Variants in CPNE4 observed in about 807,000 individuals in gnomAD.
CPNE4 encodes copine 4, also known as copine-4.
In CPNE4, 25 loss-of-function variants were observed where a neutral mutation model predicts 67.9. The observed-to-expected ratio is 0.37, with a 90% CI of 0.27 to 0.51. The LOEUF (loss-of-function observed/expected upper bound fraction) is 0.51. Ranked by LOEUF, CPNE4 falls within the 20% of genes least tolerant of loss-of-function variation. The pLI, the probability that CPNE4 is intolerant of heterozygous loss-of-function variation, is 0.93. For synonymous variants in CPNE4, 242 were observed against 244.9 expected (o/e 0.99, Z 0.11); for missense variants, 464 against 690.8 (o/e 0.67, Z 3.68).
At chr3:131,739,848 C>G (rs746110979) in intron 2 of CPNE4, among the ~76,000 whole-genome samples, 2 of 152,188 alleles carry the variant, frequency 1.3e-5, no homozygotes, top group Non-Finnish European at 2.9e-5. Flanking sequence ...ATGCTGAACA[C>G]AAAGCCAGTT....
intron 2 of CPNE4, among the ~76,000 whole-genome samples, chr3:131,847,761 C>T (rs1185800596): frequency 2.0e-5 from 3 of 152,126 alleles, no homozygotes; most frequent in Non-Finnish European, 4.4e-5. Flanking sequence ...ACCCCTCCCA[C>T]TTTTCTATGG....
intron 2 of CPNE4, among the ~76,000 whole-genome samples, chr3:131,839,168 C>T (rs1253211683): frequency 1.3e-5 from 2 of 151,680 alleles, no homozygotes; most frequent in South Asian, 2.1e-4. Flanking sequence ...CAATGCTGCC[C>T]TCCATATCTT....
At chr3:131,584,645 A>G (rs1938058926) in intron 8 of CPNE4, among the ~76,000 whole-genome samples, 1 of 152,158 alleles carries the variant, frequency 6.6e-6, no homozygotes, top group African/African-American at 2.4e-5. Context: ...AAAAAATTAA[A>G]ACCAATCATG....
Position 131,666,497 on chromosome 3 carries a change from C to T in CPNE4, c.681+3178G>A, listed in dbSNP as rs570230668. 3.9e-5 allele frequency among the ~76,000 whole-genome samples: 6 copies of T among 152,030 alleles called. No homozygotes were observed. The East Asian group carries it at 7.7e-4, about 20-fold the overall frequency. On this transcript the variant is annotated intron_variant, in intron 7 of 15. Transcript: ENST00000429747. ...AAGAATTCATTCCAGAAAGCAAGGACGTTATCAAGCAAGGACGTTACTAAG... is the reference window on the plus strand; with the variant it reads ...AAGAATTCATTCCAGAAAGCAAGGATGTTATCAAGCAAGGACGTTACTAAG...
chr3:131,597,119 A>G lies in CPNE4; in HGVS notation c.682-9537T>C, dbSNP rs549486752. 9.3e-4 allele frequency among the ~76,000 whole-genome samples: 141 copies of G among 152,340 alleles called. 1 individual carries two copies. Among genetic ancestry groups the G allele is most frequent in the South Asian group, 2.7e-3 (13 of 4,830 alleles). ...AATCTTCACAGTAATCCTCTCAGTG[A>G]GACATTATTATTATCATCCCTACTG... On this transcript the variant is annotated intron_variant, in intron 7 of 15. Coordinates refer to ENST00000429747, the MANE Select transcript of CPNE4 (RefSeq NM_130808.3).
At chr3:131,569,604 C>CACTG (rs1472575231) in intron 10 of CPNE4, among the ~76,000 whole-genome samples, 1 of 147,706 alleles carries the variant, frequency 6.8e-6, no homozygotes, top group Non-Finnish European at 1.5e-5. Context: ...TGCTACTGCA[C>CACTG]TGCACTCCGG....
chr3:131,954,544 C>T (rs559631189), intron 1 of CPNE4, among the ~76,000 whole-genome samples: 46 of 152,260 alleles, frequency 3.0e-4, no homozygotes, highest in African/African-American at 1.0e-3. Context: ...ATGTGCACAA[C>T]GTGCAGGTAT....
chr3:132,001,597 A>AAGAAAGAAAG (rs2073447729), intron 1 of CPNE4, among the ~76,000 whole-genome samples: 1 of 151,376 alleles, frequency 6.6e-6, no homozygotes, highest in Middle Eastern at 3.4e-3. Context: ...GAAAGAAAGA[A>AAGAAAGAAAG]AGAAAGAAAG....
intron 2 of CPNE4, among the ~76,000 whole-genome samples, chr3:131,736,650 A>C (rs1282032524): frequency 6.6e-6 from 1 of 151,136 alleles, no homozygotes; most frequent in Admixed American, 6.6e-5. Context: ...AGATGCTTAC[A>C]CAAGGGTTGA....
intron 5 of CPNE4, among the ~76,000 whole-genome samples, chr3:131,689,898 T>A (rs537449029): frequency 1.3e-5 from 2 of 152,134 alleles, no homozygotes; most frequent in African/African-American, 4.8e-5. Flanking sequence ...TCAGTAGCAT[T>A]TCTATACAAA....
At chr3:131,674,275 C>G (rs1368291511) in intron 6 of CPNE4, among the ~76,000 whole-genome samples, 1 of 151,820 alleles carries the variant, frequency 6.6e-6, no homozygotes. Context: ...CTGTAGTTTT[C>G]TTTTTTTGAT....
rs1425545303 is a variant in CPNE4, at chr3:131,753,368, A to G, written c.181-29743T>C. On this transcript the variant is annotated intron_variant, in intron 2 of 15. Transcript: ENST00000429747. ...CTACACATGTATATGTTAGGGAAAAAGGAATCATTCTTAACTAAGTCTAGA... is the reference window on the plus strand; with the variant it reads ...CTACACATGTATATGTTAGGGAAAAGGGAATCATTCTTAACTAAGTCTAGA... Among the ~76,000 whole-genome samples the G allele has an allele frequency of 3.9e-5, 6 of 152,250 alleles. No individual in the cohort carries two copies. In the South Asian group the frequency reaches 1.2e-3, roughly 32 times the overall value.
At chr3:131,556,791 A>G (rs1159241554) in intron 11 of CPNE4, among the ~76,000 whole-genome samples, 1 of 152,126 alleles carries the variant, frequency 6.6e-6, no homozygotes, top group Admixed American at 6.5e-5. Context: ...GCATTCACAT[A>G]TATTGGATCT....
intron 8 of CPNE4, among the ~76,000 whole-genome samples, chr3:131,586,333 A>G (rs1009300843): frequency 6.6e-5 from 10 of 152,128 alleles, no homozygotes; most frequent in African/African-American, 2.4e-4. Context: ...GGGAGGTGAT[A>G]CCAGGAAGCA....
chr3:131,597,065 G>A (rs1164958631), intron 7 of CPNE4, among the ~76,000 whole-genome samples: 1 of 152,182 alleles, frequency 6.6e-6, no homozygotes, highest in Non-Finnish European at 1.5e-5. Context: ...AGGTGTTGTT[G>A]TAAGCATTTG....
chr3:131,802,352 T>C (rs913106743), intron 2 of CPNE4, among the ~76,000 whole-genome samples: 2 of 152,096 alleles, frequency 1.3e-5, no homozygotes, highest in Non-Finnish European at 2.9e-5. Flanking sequence ...ACAAGGTAAT[T>C]CATACAGAAA....
chr3:131,861,862 G>C (rs1163239250), intron 2 of CPNE4, among the ~76,000 whole-genome samples: 1 of 152,096 alleles, frequency 6.6e-6, no homozygotes, highest in African/African-American at 2.4e-5. Flanking sequence ...GGCAAGCTTT[G>C]GCCAGAAAAT....
rs916458983 is a variant in CPNE4, at chr3:131,621,401, C to T, written c.682-33819G>A. On this transcript the variant is annotated intron_variant, in intron 7 of 15. Transcript: ENST00000429747. ...CTAGGACCACAGATGTGCACCACCA[C>T]ACCTGGCTAATTAAAACTTTTTTTT... Among the ~76,000 whole-genome samples, 4 of 152,016 alleles carry T rather than the reference C, an allele frequency of 2.6e-5. No homozygotes were observed. The East Asian group carries it at 7.7e-4, about 29-fold the overall frequency.
chr3:131,934,992 GT>G (rs1224786596), intron 1 of CPNE4, among the ~76,000 whole-genome samples: 1 of 152,142 alleles, frequency 6.6e-6, no homozygotes, highest in African/African-American at 2.4e-5. Flanking sequence ...GTTGGGAGAA[GT>G]TTAGAGATTT....
Sources: gnomAD v4.1 joint callset for allele counts (sites outside exome capture counted in the v4.1 genomes callset) on GRCh38, gnomAD v4.1.1 for gene constraint, MANE v1.5 for transcripts, NCBI Gene and HGNC (gene_info 2026-07-23, HGNC 2026-07-21) for gene names.